The following PCDHGA2 variants were observed in gnomAD, a reference collection of about 807,000 sequenced individuals.
PCDHGA2 encodes protocadherin gamma subfamily A, 2.
A neutral mutation model predicts 59.2 loss-of-function variants in PCDHGA2; 40 were observed. That is an observed-to-expected ratio of 0.68 (90% CI 0.52 to 0.88). PCDHGA2 has a LOEUF of 0.88. PCDHGA2 is among the 40% of genes least tolerant of loss of function. The pLI, the probability that PCDHGA2 is intolerant of heterozygous loss-of-function variation, is 0.00. For synonymous variants in PCDHGA2, 560 were observed against 526.0 expected, an observed-to-expected ratio of 1.06 and a Z score of -0.89; for missense variants, 1,226 against 1,204.0, an observed-to-expected ratio of 1.02 and a Z score of -0.27.
intron 1 of PCDHGA2, among the ~76,000 whole-genome samples, chr5:141,449,134 T>C (rs538592980): frequency 9.2e-4 from 140 of 152,242 alleles, no homozygotes; most frequent in Non-Finnish European, 1.8e-3. Context: ...AGAAATGGAA[T>C]TGAAATTGCT....
At chr5:141,413,369 A>G (rs767278842) in intron 1 of PCDHGA2, 1 of 1,613,964 alleles carries the variant, frequency 6.2e-7, no homozygotes, top group South Asian at 1.1e-5. Context: ...GAGCTGGCGG[A>G]GCGCGGAGTC....
At chr5:141,471,079 C>T (rs1169560328) in intron 1 of PCDHGA2, among the ~76,000 whole-genome samples, 1 of 145,256 alleles carries the variant, frequency 6.9e-6, no homozygotes, top group African/African-American at 2.5e-5. Context: ...GACAGGGTCT[C>T]CCTCTGTTGT....
At chr5:141,362,374 A>AC (rs765639463) in intron 1 of PCDHGA2, 4 of 1,614,036 alleles carry the variant, frequency 2.5e-6, no homozygotes, top group Non-Finnish European at 3.4e-6. Context: ...CAGTGAGGGT[A>AC]CATTGCCCTA....
chr5:141,448,439 C>T (rs182359185), intron 1 of PCDHGA2, among the ~76,000 whole-genome samples: 7 of 152,232 alleles, frequency 4.6e-5, no homozygotes, highest in Admixed American at 4.6e-4. Context: ...ATTGAGAAGT[C>T]TGACTTCCAT....
chr5:141,393,635 C>T, intron 1 of PCDHGA2: 2 of 1,613,868 alleles, frequency 1.2e-6, no homozygotes, highest in East Asian at 4.5e-5. Context: ...AGGGAATCAA[C>T]GGAAAAGTGG....
chr5:141,379,834 GA>G (rs199662644), intron 1 of PCDHGA2, among the ~76,000 whole-genome samples: 1 of 141,412 alleles, frequency 7.1e-6, no homozygotes, highest in Non-Finnish European at 1.5e-5. Context: ...GAAGCATCAG[GA>G]AAAAAAACTA....
chr5:141,490,473 T>C lies in PCDHGA2; in HGVS notation c.2425-4334T>C. 6.2e-7 allele frequency: 1 copy of C among 1,614,228 alleles called. No homozygotes were observed. Among genetic ancestry groups the C allele is most frequent in the East Asian group, 2.2e-5 (1 of 44,878 alleles). On this transcript the variant is annotated intron_variant, in intron 1 of 3. Transcript: ENST00000394576. This position sits in a 1 kb window ranked among gnomAD's most constrained non-coding sequence, Gnocchi z 5.4. ...ACTACTCGCTGCTAACCAGCCAGCC[T>C]TTGGACCGGGAGGCCACATCCCACT...
chr5:141,360,810 G>C, intron 1 of PCDHGA2: 3 of 1,613,878 alleles, frequency 1.9e-6, no homozygotes, highest in Non-Finnish European at 2.5e-6. Context: ...AAAGTGGCAC[G>C]ACCCAAATCC....
intron 1 of PCDHGA2, chr5:141,412,489 T>C (rs1292155082): frequency 6.6e-6 from 1 of 152,176 alleles, no homozygotes; most frequent in East Asian, 1.9e-4. Context: ...TCTTACACAA[T>C]CCTAAGCTAA....
At chr5:141,450,006 C>CTATTTTTTTTT (rs70988802) in intron 1 of PCDHGA2, among the ~76,000 whole-genome samples, 2 of 132,964 alleles carry the variant, frequency 1.5e-5, no homozygotes, top group African/African-American at 2.8e-5. Flanking sequence ...TGCCATGTCT[C>CTATTTTTTTTT]TTTTTTTTTT....
At position 141,390,017 on chromosome 5, in the gene PCDHGA2, G is replaced by C. The variant is rs2092015490; in HGVS notation, c.2424+48622G>C. Reference sequence around the variant, plus strand: ...TGGCCATGATTCTGGCCATTGCCTTGCGCCTGCGACGCTCCTCCAGCCCCG... The same window carrying C: ...TGGCCATGATTCTGGCCATTGCCTTCCGCCTGCGACGCTCCTCCAGCCCCG... On this transcript the variant is annotated intron_variant, in intron 1 of 3. Transcript: ENST00000394576. 1.9e-6 allele frequency: 3 copies of C among 1,613,898 alleles called. No homozygotes were observed. The South Asian group carries it at 3.3e-5, about 18-fold the overall frequency.
In PCDHGA2 at chr5:141,489,750, C is replaced by T. The variant is rs753217170; in HGVS notation, c.2425-5057C>T. On this transcript the variant is annotated intron_variant, in intron 1 of 3. Coordinates refer to ENST00000394576, the MANE Select transcript of PCDHGA2 (RefSeq NM_018915.4). The surrounding 1 kb of genome is among the most constrained non-coding windows in gnomAD (Gnocchi z 4.5). ...TGGGCACCAATACTGTGAGCTTTTA[C>T]ACTCTAAGCCCCAACAGCCACTTCT... 1.2e-6 allele frequency: 2 copies of T among 1,614,098 alleles called. No homozygotes were observed. Among genetic ancestry groups the T allele is most frequent in the Admixed American group, 3.3e-5 (2 of 60,022 alleles).
At chr5:141,350,929 C>T (rs1758594998) in intron 1 of PCDHGA2, 1 of 1,614,092 alleles carries the variant, frequency 6.2e-7, no homozygotes, top group Non-Finnish European at 8.5e-7. Context: ...GCGGCACCAC[C>T]CATATCTGGA....
chr5:141,423,006 T>A, intron 1 of PCDHGA2: 2 of 1,614,198 alleles, frequency 1.2e-6, no homozygotes, highest in Non-Finnish European at 1.7e-6. Context: ...CCAAGGTGGT[T>A]GCGGTGGACA....
rs142728816 is a variant in PCDHGA2 at position 141,356,050 on chromosome 5, G to T, written c.2424+14655G>T. On this transcript the variant is annotated intron_variant, in intron 1 of 3. Coordinates refer to ENST00000394576, the MANE Select transcript of PCDHGA2 (RefSeq NM_018915.4). ...AGACGTGACGTATTCTTTCCGGAAA[G>T]TAAGAGACAAAATATCACAGCTATT... 1,749 of 1,613,978 alleles carry T rather than the reference G, an allele frequency of 1.1e-3. 32 individuals carry two copies. In the East Asian group the frequency reaches 0.034, roughly 31 times the overall value.
chr5:141,443,251 C>T (rs200319609), intron 1 of PCDHGA2, among the ~76,000 whole-genome samples: 7 of 150,782 alleles, frequency 4.6e-5, no homozygotes, highest in East Asian at 3.9e-4. Flanking sequence ...GGCGCCAAGG[C>T]GGGTGGATCA....
chr5:141,362,661 A>G (rs533318965), intron 1 of PCDHGA2: 682 of 1,346,776 alleles, frequency 5.1e-4, no homozygotes, highest in Non-Finnish European at 6.6e-4. Flanking sequence ...GATTTGGCCA[A>G]TGTTGTGCCT....
intron 1 of PCDHGA2, chr5:141,352,373 C>G: frequency 6.2e-7 from 1 of 1,614,052 alleles, no homozygotes. Flanking sequence ...CGCGGTGATT[C>G]TAGCGATCGC....
At chr5:141,350,496 G>C in intron 1 of PCDHGA2, 1 of 1,614,034 alleles carries the variant, frequency 6.2e-7, no homozygotes, top group African/African-American at 1.3e-5. Context: ...TTGGAGAGCG[G>C]GGATTTGTTA....
Sources: allele counts gnomAD v4.1 joint callset (sites outside exome capture counted in the v4.1 genomes callset), GRCh38; gene constraint gnomAD v4.1.1; non-coding constraint Gnocchi (gnomAD v3.1); transcripts MANE v1.5; gene names NCBI Gene and HGNC (gene_info 2026-07-23, HGNC 2026-07-21).